SRPK1: variants seen among roughly 807,000 people sequenced by gnomAD.
SRPK1 encodes the protein SFRS protein kinase 1.
A neutral mutation model predicts 89.5 loss-of-function variants in SRPK1; 52 were observed. The observed-to-expected ratio is 0.58, with a 90% CI of 0.46 to 0.73. The LOEUF (loss-of-function observed/expected upper bound fraction) is 0.73, where lower values mean the gene tolerates loss of function less well. SRPK1 is among the 30% of genes least tolerant of loss of function. SRPK1 has a pLI of 0.00. For missense variants in SRPK1, 603 were observed against 780.6 expected (o/e 0.77, Z 2.71); for synonymous variants, 255 against 270.2 (o/e 0.94, Z 0.55).
chr6:35,870,884 T>C (rs1253628712), intron 9 of SRPK1, 50 bp downstream of exon 9: 2 of 1,479,548 alleles, frequency 1.4e-6, no homozygotes, highest in Admixed American at 2.0e-5. Flanking sequence ...GAAGAACCCA[T>C]GCCCATAGTC....
chr6:35,846,739 G>A (rs1263672700), intron 13 of SRPK1, among the ~76,000 whole-genome samples: 1 of 152,066 alleles, frequency 6.6e-6, no homozygotes, highest in Non-Finnish European at 1.5e-5. Flanking sequence ...ATTGAACCAT[G>A]AAGAAATAGA....
chr6:35,872,282 CAGTT>C (rs1770049835), intron 8 of SRPK1, among the ~76,000 whole-genome samples: 1 of 152,182 alleles, frequency 6.6e-6, no homozygotes, highest in Non-Finnish European at 1.5e-5. Context: ...TGTGTGATCA[CAGTT>C]AGAGGTAAAC....
Position 35,888,050 on chromosome 6 carries a change from G to A in SRPK1, c.364C>T (p.Leu122=). The change falls in exon 5 of 16, where the codon CTA becomes TTA. Residue 122 remains leucine, a synonymous_variant. Coordinates refer to ENST00000373825, the MANE Select transcript of SRPK1 (RefSeq NM_003137.5). ...GACTTCAGCAACCGGATTTCATCTA[G>A]TGCTGTTTCAGTGTAATGTTCAGCA... The part of the protein sequence containing the change: ...KSAEHYTETA[L]DEIRLLKSVR... The A allele has an allele frequency of 6.2e-7, 1 of 1,605,314 alleles. No homozygotes were observed. Among genetic ancestry groups the A allele is most frequent in the Non-Finnish European group, 8.5e-7 (1 of 1,177,508 alleles).
intron 13 of SRPK1, among the ~76,000 whole-genome samples, chr6:35,853,140 T>C (rs1452479550): frequency 6.6e-6 from 1 of 151,984 alleles, no homozygotes; most frequent in Admixed American, 6.6e-5. Flanking sequence ...TGTGCCCATA[T>C]ACTCGTTGGC....
At chr6:35,872,305 AATC>A (rs1438908694) in intron 8 of SRPK1, among the ~76,000 whole-genome samples, 1 of 152,210 alleles carries the variant, frequency 6.6e-6, no homozygotes, top group Non-Finnish European at 1.5e-5. Flanking sequence ...ACACTTCAAA[AATC>A]ATCAACTCAT....
intron 12 of SRPK1, among the ~76,000 whole-genome samples, chr6:35,861,554 G>T (rs1408445065): frequency 6.6e-6 from 1 of 152,210 alleles, no homozygotes; most frequent in African/African-American, 2.4e-5. Flanking sequence ...CCCTGCCATG[G>T]GCTGCCGGTG....
At chr6:35,921,011 G>C in intron 1 of SRPK1, 33 bp downstream of exon 1, 3 of 1,537,058 alleles carry the variant, frequency 2.0e-6, no homozygotes, top group Middle Eastern at 1.7e-4. Flanking sequence ...GGCGACCATT[G>C]CCCCTCGTGG....
intron 2 of SRPK1, among the ~76,000 whole-genome samples, chr6:35,891,383 C>T (rs2127258422): frequency 6.6e-6 from 1 of 152,238 alleles, no homozygotes; most frequent in Admixed American, 6.5e-5. Context: ...CTGGCTTTTT[C>T]TATTACAAAC....
In SRPK1 at chr6:35,890,969, T is replaced by C; in HGVS notation, c.119A>G (p.Asp40Gly). The C allele has an allele frequency of 1.3e-6, 2 of 1,553,684 alleles. No individual in the cohort carries two copies. Among genetic ancestry groups the C allele is most frequent in the Non-Finnish European group, 1.7e-6 (2 of 1,147,466 alleles). Reference sequence around the variant, plus strand: ...AATCTCCTCTTCCTGCTCTGGTAGATCACTCTCAGAGTGGGGAGCAGAGCC... The same window carrying C: ...AATCTCCTCTTCCTGCTCTGGTAGACCACTCTCAGAGTGGGGAGCAGAGCC... Reference protein sequence around the residue: ...HRGSAPHSESDLPEQEEEILG... With the variant: ...HRGSAPHSESGLPEQEEEILG... Residue 40 changes from aspartate to glycine, a missense_variant, in exon 3 of 16, where the codon GAT becomes GGT. Physicochemically the swap from Asp to Gly is moderately conservative, Grantham distance 94. Coordinates refer to ENST00000373825, the MANE Select transcript of SRPK1 (RefSeq NM_003137.5).
rs749597130 is a variant in SRPK1 at position 35,835,360 on chromosome 6, G to C, written c.1912C>G (p.Pro638Ala). Residue 638 changes from proline (P) to alanine (A), a missense_variant, in exon 16 of 16, where the codon CCT becomes GCT. Physicochemically the swap from Pro to Ala is conservative, Grantham distance 27 (BLOSUM62 -1). Coordinates refer to ENST00000373825, the MANE Select transcript of SRPK1 (RefSeq NM_003137.5). ...TCGGCGGCAGTGGCTCTCTTCTCAG[G>C]GATCAGCTCCAACATGGGCAGTAAG... ...DFLLPMLELI[P>A]EKRATAAECL... 19 of 1,613,750 alleles carry C rather than the reference G, an allele frequency of 1.2e-5. No individual in the cohort carries two copies. Among genetic ancestry groups the C allele is most frequent in the Non-Finnish European group, 1.6e-5 (19 of 1,179,848 alleles).
intron 13 of SRPK1, among the ~76,000 whole-genome samples, chr6:35,853,884 A>AT (rs1202393460): frequency 1.5e-5 from 2 of 134,338 alleles, no homozygotes; most frequent in African/African-American, 5.7e-5. Context: ...GCATTCGGAG[A>AT]TTGTTTTTTT....
At chr6:35,873,094 G>T (rs1453419937) in intron 7 of SRPK1, among the ~76,000 whole-genome samples, 1 of 152,154 alleles carries the variant, frequency 6.6e-6, no homozygotes, top group African/African-American at 2.4e-5. Context: ...TCCTCACTGA[G>T]GAAGAATTGA....
intron 5 of SRPK1, 134 bp downstream of exon 5, chr6:35,887,890 T>C (rs1770442924): frequency 1.8e-6 from 1 of 558,022 alleles, no homozygotes. Flanking sequence ...TGTCTTCCTT[T>C]ACCTCTTTAA....
At chr6:35,869,372 C>T in intron 11 of SRPK1, 110 bp downstream of exon 11, 1 of 1,316,474 alleles carries the variant, frequency 7.6e-7, no homozygotes, top group Non-Finnish European at 1.1e-6. Context: ...GTAACTTAGA[C>T]ACACCTGTTG....
intron 2 of SRPK1, among the ~76,000 whole-genome samples, chr6:35,892,765 T>A (rs976636512): frequency 6.6e-6 from 1 of 152,118 alleles, no homozygotes; most frequent in Non-Finnish European, 1.5e-5. Flanking sequence ...GGAAAATACA[T>A]CTTAATTTTA....
intron 12 of SRPK1, among the ~76,000 whole-genome samples, chr6:35,867,360 G>A (rs1769928608): frequency 6.6e-6 from 1 of 152,082 alleles, no homozygotes; most frequent in Non-Finnish European, 1.5e-5. Flanking sequence ...TGCTAAGCTG[G>A]CTTTGTTTTT....
At chr6:35,905,395 A>T (rs1421251101) in intron 2 of SRPK1, among the ~76,000 whole-genome samples, 2 of 152,234 alleles carry the variant, frequency 1.3e-5, no homozygotes, top group Non-Finnish European at 1.5e-5. Context: ...CATAAGCCAT[A>T]TTCTAAAAAA....
At chr6:35,914,840 C>A (rs1035639694) in intron 2 of SRPK1, among the ~76,000 whole-genome samples, 1 of 151,854 alleles carries the variant, frequency 6.6e-6, no homozygotes, top group African/African-American at 2.4e-5. Flanking sequence ...GCTTTGTTGC[C>A]CAGGCTAGAG....
intron 8 of SRPK1, among the ~76,000 whole-genome samples, chr6:35,871,263 C>G (rs1222045134): frequency 6.6e-6 from 1 of 152,116 alleles, no homozygotes; most frequent in Non-Finnish European, 1.5e-5. Context: ...TAGAATGGGA[C>G]AAGCAACAAC....
Sources: gnomAD v4.1 joint callset for allele counts (sites outside exome capture counted in the v4.1 genomes callset) on GRCh38, gnomAD v4.1.1 for gene constraint, MANE v1.5 for transcripts, NCBI Gene and HGNC (gene_info 2026-07-23, HGNC 2026-07-21) for gene names.